Variants in MED23 observed in about 807,000 individuals in gnomAD.
The protein encoded by MED23 is mediator complex subunit 23, also known as mediator of RNA polymerase II transcription subunit 23.
MED23 carries 105 observed loss-of-function variants against 163.9 expected under a neutral mutation model. The observed-to-expected ratio is 0.64, with a 90% confidence interval of 0.55 to 0.75. The LOEUF is 0.75. MED23 is among the 30% of genes least tolerant of loss of function. The probability of loss-of-function intolerance (pLI) is 0.00; values close to 1 mark genes in which losing one functional copy is unlikely to be tolerated. For missense variants in MED23, 1,054 were observed against 1,649.0 expected (o/e 0.64, Z 6.25); for synonymous variants, 561 against 565.6 (o/e 0.99, Z 0.12).
chr6:131,613,903 G>A (rs1776459849), intron 10 of MED23, among the ~76,000 whole-genome samples: 1 of 152,100 alleles, frequency 6.6e-6, no homozygotes, highest in Non-Finnish European at 1.5e-5. Context: ...AAAAGCTTAG[G>A]ATAGCTAAGG....
In MED23 at chr6:131,587,346, A is replaced by G. The variant is rs1724221836; in HGVS notation, c.*333T>C. 8.9e-7 allele frequency: 1 copy of G among 1,126,666 alleles called. No individual in the cohort carries two copies. Among genetic ancestry groups the G allele is most frequent in the Non-Finnish European group, 1.1e-6 (1 of 919,442 alleles). The allele number at this position is 1,126,666 out of a possible 1,614,324, so 69.8% of individuals were successfully genotyped here. A position where few individuals can be genotyped will look rare whatever the true frequency, so the allele number is the denominator to read the frequency against. ...ATATGTCATTAATAATAAAAAATAC[A>G]AACAAAAACAACGGCTAGAATAGGA... On this transcript the variant is annotated 3_prime_UTR_variant, in exon 29 of 29. Coordinates refer to ENST00000368068, the MANE Select transcript of MED23 (RefSeq NM_004830.4).
rs917020235 is a variant in MED23 at position 131,615,503 on chromosome 6, C to CAAAAAAAAAAAAAAAAAAAAAAAA, written c.876+380_876+403dup. On this transcript the variant is annotated intron_variant, in intron 10 of 28. Transcript: ENST00000368068. ...CCACCAAAAACAAGCAAACACACAC[C>CAAAAAAAAAAAAAAAAAAAAAAAA]AAAAAAAAAAAAAAAAAAAAAAAAA... is the stretch of plus-strand genomic sequence containing the variant. 1.1e-3 allele frequency among the ~76,000 whole-genome samples: 16 copies of CAAAAAAAAAAAAAAAAAAAAAAAA among 14,160 alleles called. 2 individuals carry two copies. The highest frequency in any genetic ancestry group is 1.2e-3 in the African/African-American group (4 of 3,308). 9.3% of individuals were successfully genotyped at this position (14,160 alleles called of 152,430 possible). A position where few individuals can be genotyped will look rare whatever the true frequency, so the allele number is the denominator to read the frequency against.
chr6:131,610,684 A>C (rs1278009344), intron 10 of MED23, among the ~76,000 whole-genome samples: 1 of 152,228 alleles, frequency 6.6e-6, no homozygotes, highest in Non-Finnish European at 1.5e-5. Flanking sequence ...CAAATAAAGC[A>C]GTTATGTGAA....
intron 10 of MED23, among the ~76,000 whole-genome samples, chr6:131,610,779 A>G (rs1488048681): frequency 6.6e-6 from 1 of 152,122 alleles, no homozygotes; most frequent in Non-Finnish European, 1.5e-5. Context: ...ATTATTCAAC[A>G]TCTGTTTTCA....
In MED23 at chr6:131,576,739, ATT is replaced by A; in HGVS notation, c.4096-2446_4096-2445del. 12 of 1,612,320 alleles carry A rather than the reference ATT, an allele frequency of 7.4e-6. No homozygotes were observed. Among genetic ancestry groups the A allele is most frequent in the Non-Finnish European group, 1.0e-5 (12 of 1,178,396 alleles). On this transcript the variant is annotated intron_variant, in intron 30 of 30. Coordinates refer to the MED23 transcript ENST00000354577. ...CTTGAGAAACTTAAAGAACAAGGTAATTTTTAAGTTGAAAAATGATCAGCCTG... is the reference window on the plus strand; with the variant it reads ...CTTGAGAAACTTAAAGAACAAGGTAATTTAAGTTGAAAAATGATCAGCCTG...
intron 3 of MED23, among the ~76,000 whole-genome samples, chr6:131,625,710 G>T (rs1320001549): frequency 6.6e-6 from 1 of 151,762 alleles, no homozygotes; most frequent in African/African-American, 2.4e-5. Context: ...TTAAATTTTG[G>T]AAAGATATTC....
intron 20 of MED23, 33 bp from the exon 21 acceptor site, chr6:131,596,721 T>C: frequency 1.2e-6 from 2 of 1,601,826 alleles, no homozygotes; most frequent in Non-Finnish European, 1.7e-6. Flanking sequence ...TATATGAAAA[T>C]GTTCAACCTG....
intron 26 of MED23, 109 bp from the exon 27 acceptor site, chr6:131,590,551 T>C (rs191985441): frequency 1.4e-6 from 1 of 690,868 alleles, no homozygotes; most frequent in Admixed American, 3.1e-5. Context: ...TTTTTTAAAG[T>C]TCCTTTTAAT....
rs76851590 is a variant in MED23 at position 131,604,945 on chromosome 6, T to C, written c.1613+295A>G. Among the ~76,000 whole-genome samples the C allele has an allele frequency of 1.6e-4, 25 of 152,300 alleles. No individual in the cohort carries two copies. The East Asian group carries it at 4.2e-3, about 26-fold the overall frequency. ...CCCTTTCCAAAAATGTTGGAAGCTC[T>C]AGCTACACTAGTCCTCATTCTTAAC... On this transcript the variant is annotated intron_variant, in intron 14 of 28. Transcript: ENST00000368068.
At position 131,628,137 on chromosome 6, in the gene MED23, A is replaced by C; in HGVS notation, c.-88T>G. 6.8e-7 allele frequency: 1 copy of C among 1,473,216 alleles called. No homozygotes were observed. The highest frequency in any genetic ancestry group is 9.5e-7 in the Non-Finnish European group (1 of 1,057,090). The allele number at this position is 1,473,216 out of a possible 1,614,324, so 91.3% of individuals were successfully genotyped here. ...GGAATATAGGGGCAGAGGGGCGGAG[A>C]CCTCTGGAGGAAACCGTAGCTCCTC... On this transcript the variant is annotated 5_prime_UTR_variant, in exon 1 of 29. Coordinates refer to ENST00000368068, the MANE Select transcript of MED23 (RefSeq NM_004830.4).
chr6:131,584,832 C>A (rs922502640), downstream of MED23, among the ~76,000 whole-genome samples: 2 of 151,162 alleles, frequency 1.3e-5, no homozygotes, highest in African/African-American at 4.9e-5. Context: ...CACACACACA[C>A]ACACACACAC....
chr6:131,624,919 G>A lies in MED23; in HGVS notation c.230C>T (p.Ser77Phe). ...CATTGCTAAGCAGTCATAAAGAAAA[G>A]AAATTCTTTTAGGACTATGCTGACC... ...IHGQHSPKRI[S>F]FLYDCLAMAV... Residue 77 changes from serine (S) to phenylalanine (F), a missense_variant, in exon 4 of 29, where the codon TCT (serine) becomes TTT (phenylalanine). Coordinates refer to ENST00000368068, the MANE Select transcript of MED23 (RefSeq NM_004830.4). 1 of 1,613,780 alleles carries A rather than the reference G, an allele frequency of 6.2e-7. No homozygotes were observed. The highest frequency in any genetic ancestry group is 1.3e-5 in the African/African-American group (1 of 75,026).
chr6:131,580,821 A>C (rs1465479692), intron 30 of MED23, among the ~76,000 whole-genome samples: 5 of 152,222 alleles, frequency 3.3e-5, no homozygotes, highest in African/African-American at 1.2e-4. Context: ...TTAAGTATTT[A>C]CCAAGAGAGA....
intron 15 of MED23, 102 bp downstream of exon 15, chr6:131,604,076 T>C: frequency 8.8e-7 from 1 of 1,133,788 alleles, no homozygotes; most frequent in Admixed American, 1.7e-5. Context: ...AGCTCCATCA[T>C]GGTGGTGACT....
Position 131,594,322 on chromosome 6 carries a change from A to T in MED23, c.3009T>A (p.Thr1003=). 6.2e-7 allele frequency: 1 copy of T among 1,613,726 alleles called. No homozygotes were observed. Among genetic ancestry groups the T allele is most frequent in the South Asian group, 1.1e-5 (1 of 91,076 alleles). The change falls in exon 23 of 29, where the codon ACT becomes ACA. Residue 1003 remains threonine, a synonymous_variant. Coordinates refer to ENST00000368068, the MANE Select transcript of MED23 (RefSeq NM_004830.4). ...GLYKFHDRPV[T]YLYNTLHYYE... ...AATAGTGCAGAGTGTTATACAGATA[A>T]GTCACTGGACGATCTGCCAAGAAAA...
At chr6:131,625,349 T>G (rs1196974660) in intron 3 of MED23, among the ~76,000 whole-genome samples, 1 of 152,180 alleles carries the variant, frequency 6.6e-6, no homozygotes, top group Non-Finnish European at 1.5e-5. Context: ...TTACTGTCAC[T>G]GGGGGTAAAA....
At chr6:131,594,592 C>A (rs1395218026) in intron 22 of MED23, among the ~76,000 whole-genome samples, 1 of 151,974 alleles carries the variant, frequency 6.6e-6, no homozygotes, top group Admixed American at 6.6e-5. Context: ...AAAATTTATC[C>A]TGCATAAATT....
At chr6:131,587,914 G>A in intron 28 of MED23, 68 bp from the exon 29 acceptor site, 1 of 1,343,550 alleles carries the variant, frequency 7.4e-7, no homozygotes, top group Non-Finnish European at 1.0e-6. Flanking sequence ...TTTAAAGCAG[G>A]ATTTACACAT....
chr6:131,578,538 T>C (rs1025792982), intron 30 of MED23, among the ~76,000 whole-genome samples: 1 of 152,076 alleles, frequency 6.6e-6, no homozygotes, highest in African/African-American at 2.4e-5. Context: ...GCTTCCAAAG[T>C]GTTAGGCTCA....
Sources: allele counts gnomAD v4.1 joint callset (sites outside exome capture counted in the v4.1 genomes callset), GRCh38; gene constraint gnomAD v4.1.1; transcripts MANE v1.5; gene names NCBI Gene and HGNC (gene_info 2026-07-23, HGNC 2026-07-21).